Variants in NALF1 observed in about 807,000 individuals in gnomAD.
NALF1 encodes the protein NALCN channel auxiliary factor 1.
NALF1 carries 3 observed loss-of-function variants against 48.4 expected under a neutral mutation model. The observed-to-expected ratio is 0.06, with a 90% CI of 0.03 to 0.16. NALF1 has a LOEUF of 0.16. Ranked by LOEUF, NALF1 falls within the 10% of genes least tolerant of loss-of-function variation. NALF1 has a pLI of 1.00. For synonymous variants in NALF1, 262 were observed against 245.7 expected (o/e 1.07, Z -0.62); for missense variants, 526 against 571.5 (o/e 0.92, Z 0.81).
chr13:107,279,101 C>A (rs1169147411), intron 1 of NALF1, among the ~76,000 whole-genome samples: 2 of 133,676 alleles, frequency 1.5e-5, no homozygotes, highest in Non-Finnish European at 3.1e-5. Flanking sequence ...TGAATTTCTA[C>A]ATCAGTTTCT....
intron 1 of NALF1, among the ~76,000 whole-genome samples, chr13:107,419,735 A>G (rs1263746113): frequency 6.6e-6 from 1 of 152,252 alleles, no homozygotes; most frequent in East Asian, 1.9e-4. Flanking sequence ...TAAAAGAGGG[A>G]AAATTATAAA....
chr13:107,665,712 T>C (rs191433989), intron 1 of NALF1, among the ~76,000 whole-genome samples: 51 of 152,116 alleles, frequency 3.4e-4, no homozygotes, highest in African/African-American at 1.1e-3. Flanking sequence ...CTTTCAAAAA[T>C]ATTGGAAATA....
chr13:107,839,028 T>C (rs1476801915), intron 1 of NALF1, among the ~76,000 whole-genome samples: 3 of 152,252 alleles, frequency 2.0e-5, no homozygotes, highest in Non-Finnish European at 4.4e-5. Flanking sequence ...TTTGAGTCCA[T>C]ATCTTGCCCT....
chr13:107,771,496 T>TATAG lies in NALF1; in HGVS notation c.915+94185_915+94186insCTAT, dbSNP rs563926723. Among the ~76,000 whole-genome samples, 1,083 of 124,418 alleles carry TATAG rather than the reference T, an allele frequency of 8.7e-3. 11 individuals are homozygous for TATAG. The highest frequency in any genetic ancestry group is 0.033 in the African/African-American group (1,041 of 32,002). 81.6% of individuals were successfully genotyped at this position (124,418 alleles called of 152,430 possible). ...TTATAAACATATATGATACAATATA[T>TATAG]AAAATCTATAATATGTAATATAGTA... is the stretch of plus-strand genomic sequence containing the variant. On this transcript the variant is annotated intron_variant, in intron 1 of 2. Transcript: ENST00000375915.
chr13:107,350,266 A>G (rs1882850153), intron 1 of NALF1, among the ~76,000 whole-genome samples: 1 of 152,178 alleles, frequency 6.6e-6, no homozygotes, highest in Admixed American at 6.5e-5. Context: ...ACTCAAATGT[A>G]TTTTCATAAA....
In NALF1 at chr13:107,185,444, T is replaced by A. The variant is rs924033357; in HGVS notation, c.1088-14658A>T. On this transcript the variant is annotated intron_variant, in intron 2 of 2. Coordinates refer to ENST00000375915, the MANE Select transcript of NALF1 (RefSeq NM_001080396.3). The stretch of plus-strand genomic sequence containing the variant: ...TCTATTTTTGACACCTCACTTCCCC[T>A]GTGGATACTATTCAGAGTGCTAAGA... Among the ~76,000 whole-genome samples, 9 of 121,760 alleles carry A rather than the reference T, an allele frequency of 7.4e-5. No individual in the cohort carries two copies. The East Asian group carries it at 2.6e-3, about 35-fold the overall frequency. The allele number at this position is 121,760 out of a possible 152,430, so 79.9% of individuals were successfully genotyped here.
At chr13:107,474,008 T>C (rs1403067557) in intron 1 of NALF1, among the ~76,000 whole-genome samples, 1 of 152,158 alleles carries the variant, frequency 6.6e-6, no homozygotes, top group African/African-American at 2.4e-5. Context: ...ACTGGGACCC[T>C]TGCAGCTCCC....
At chr13:107,342,863 G>A (rs1238947235) in intron 1 of NALF1, among the ~76,000 whole-genome samples, 3 of 152,080 alleles carry the variant, frequency 2.0e-5, no homozygotes, top group African/African-American at 7.2e-5. Context: ...TAACATCAAA[G>A]CTCCCAAATG....
chr13:107,426,261 GT>G (rs1378275099), intron 1 of NALF1, among the ~76,000 whole-genome samples: 1 of 152,164 alleles, frequency 6.6e-6, no homozygotes, highest in Non-Finnish European at 1.5e-5. Context: ...TCAAGATCAA[GT>G]TTTTGTTAGG....
intron 1 of NALF1, among the ~76,000 whole-genome samples, chr13:107,722,620 C>T (rs1876018706): frequency 6.6e-6 from 1 of 152,174 alleles, no homozygotes; most frequent in Non-Finnish European, 1.5e-5. Context: ...CGGTTGCCTA[C>T]ATCTCTCCTA....
rs1209937195 is a variant in NALF1 at position 107,362,626 on chromosome 13, T to C, written c.916-151871A>G. On this transcript the variant is annotated intron_variant, in intron 1 of 2. Coordinates refer to ENST00000375915, the MANE Select transcript of NALF1 (RefSeq NM_001080396.3). This position sits in a 1 kb window ranked among gnomAD's most constrained non-coding sequence, Gnocchi z 4.6. ...TCATCTTAATCATCTGTGAAGGCCTTATTTCCAAATAAGGTCACATTAACA... is the reference window on the plus strand; with the variant it reads ...TCATCTTAATCATCTGTGAAGGCCTCATTTCCAAATAAGGTCACATTAACA... Among the ~76,000 whole-genome samples the C allele has an allele frequency of 6.6e-6, 1 of 152,118 alleles. No homozygotes were observed. The highest frequency in any genetic ancestry group is 1.9e-4 in the East Asian group (1 of 5,170).
chr13:107,553,147 T>C (rs944195290), intron 1 of NALF1, among the ~76,000 whole-genome samples: 1 of 152,144 alleles, frequency 6.6e-6, no homozygotes, highest in Non-Finnish European at 1.5e-5. Context: ...GCAGAGGAAA[T>C]TCTACCTAAA....
At chr13:107,280,157 A>G (rs985413350) in intron 1 of NALF1, among the ~76,000 whole-genome samples, 1 of 152,178 alleles carries the variant, frequency 6.6e-6, no homozygotes, top group Non-Finnish European at 1.5e-5. Flanking sequence ...TCACATGATC[A>G]ATACTGTACT....
At chr13:107,535,072 A>T (rs1166885315) in intron 1 of NALF1, among the ~76,000 whole-genome samples, 2 of 152,170 alleles carry the variant, frequency 1.3e-5, no homozygotes, top group Non-Finnish European at 2.9e-5. Flanking sequence ...TATCAGCTTA[A>T]GGAGATTTTG....
chr13:107,256,594 T>A (rs1488064901), intron 1 of NALF1, among the ~76,000 whole-genome samples: 1 of 152,238 alleles, frequency 6.6e-6, no homozygotes, highest in Non-Finnish European at 1.5e-5. Context: ...ATCATTGACT[T>A]GACAAATGAG....
At chr13:107,666,498 T>C (rs916790953) in intron 1 of NALF1, among the ~76,000 whole-genome samples, 3 of 152,136 alleles carry the variant, frequency 2.0e-5, no homozygotes, top group Admixed American at 6.6e-5. Flanking sequence ...CTAATATAGG[T>C]GCCACCGTTT....
intron 1 of NALF1, among the ~76,000 whole-genome samples, chr13:107,464,130 C>T (rs1884961847): frequency 6.6e-6 from 1 of 152,092 alleles, no homozygotes; most frequent in African/African-American, 2.4e-5. Context: ...TCTACCATTT[C>T]CCAAGCTATG....
chr13:107,170,964 A>C lies in NALF1; in HGVS notation c.1088-178T>G, dbSNP rs115891076. Among the ~76,000 whole-genome samples the C allele has an allele frequency of 6.1e-3, 928 of 152,336 alleles. 15 individuals carry two copies. The highest frequency in any genetic ancestry group is 0.021 in the African/African-American group (875 of 41,576). The stretch of plus-strand genomic sequence containing the variant: ...GAGTCACCCATGGTCTCAAACCAGT[A>C]TTGTTAGATTCCTCAAGTTGTTCTT... On this transcript the variant is annotated intron_variant, in intron 2 of 2. Transcript: ENST00000375915.
At chr13:107,672,169 G>A (rs1025356271) in intron 1 of NALF1, among the ~76,000 whole-genome samples, 2 of 152,146 alleles carry the variant, frequency 1.3e-5, no homozygotes, top group Admixed American at 6.5e-5. Flanking sequence ...CAGCTATGAA[G>A]CATCTTTAAG....
Sources: gnomAD v4.1 joint callset for allele counts (sites outside exome capture counted in the v4.1 genomes callset) on GRCh38, gnomAD v4.1.1 for gene constraint, Gnocchi (gnomAD v3.1) non-coding constraint, MANE v1.5 for transcripts, NCBI Gene and HGNC (gene_info 2026-07-23, HGNC 2026-07-21) for gene names.